GASK1A: variants seen among roughly 807,000 people sequenced by gnomAD.
GASK1A encodes the protein Golgi-associated kinase 1A.
GASK1A carries 40 observed loss-of-function variants against 41.2 expected under a neutral mutation model. That is an observed-to-expected ratio of 0.97 (90% CI 0.75 to 1.27). The LOEUF (loss-of-function observed/expected upper bound fraction) is 1.27. Among genes scored for constraint, GASK1A ranks in the 50% most tolerant of loss-of-function variants. The probability of loss-of-function intolerance (pLI) is 0.00; values close to 1 mark genes in which losing one functional copy is unlikely to be tolerated. For missense variants in GASK1A, 678 were observed against 745.1 expected (o/e 0.91, Z 1.05); for synonymous variants, 316 against 307.1 (o/e 1.03, Z -0.30).
At chr3:43,053,347 G>A (rs566927485) in intron 2 of GASK1A, among the ~76,000 whole-genome samples, 174 bp from the exon 3 acceptor site, 1 of 152,240 alleles carries the variant, frequency 6.6e-6, no homozygotes, top group African/African-American at 2.4e-5. Context: ...GATCTGGCCA[G>A]AGGAGGAAAG....
Position 43,056,646 on chromosome 3 carries a change from CTG to C in GASK1A, c.*262_*263del, listed in dbSNP as rs576398205. On this transcript the variant is annotated 3_prime_UTR_variant, in exon 5 of 5. Coordinates refer to ENST00000430121, the MANE Select transcript of GASK1A (RefSeq NM_001129908.3). ...AATGTTCTGTGAGCTGCTCAAGAAA[CTG>C]TAAAAATGTGTGATGCACGTGCATA... is the stretch of plus-strand genomic sequence containing the variant. The C allele has an allele frequency of 7.7e-4, 293 of 378,968 alleles. 1 individual carries two copies. Among genetic ancestry groups the C allele is most frequent in the African/African-American group, 5.2e-3 (262 of 50,238 alleles). The allele number at this position is 378,968 out of a possible 1,614,324, so 23.5% of individuals were successfully genotyped here. A position where few individuals can be genotyped will look rare whatever the true frequency, so the allele number is the denominator to read the frequency against.
In GASK1A at chr3:43,005,268, G is replaced by A. The variant is rs552827575; in HGVS notation, c.3+25623G>A. Among the ~76,000 whole-genome samples, 46 of 152,298 alleles carry A rather than the reference G, an allele frequency of 3.0e-4. No individual in the cohort carries two copies. In the South Asian group the frequency reaches 7.3e-3, roughly 24 times the overall value. Reference sequence around the variant, plus strand: ...GGGATTAGGACATGGATATCTTAACGGCTGAGCAGTATCCAGTAGTACCCT... The same window carrying A: ...GGGATTAGGACATGGATATCTTAACAGCTGAGCAGTATCCAGTAGTACCCT... On this transcript the variant is annotated intron_variant, in intron 1 of 4. Coordinates refer to ENST00000430121, the MANE Select transcript of GASK1A (RefSeq NM_001129908.3).
Position 43,003,864 on chromosome 3 carries a change from G to A in GASK1A, c.3+24219G>A, listed in dbSNP as rs562206366. 3.3e-5 allele frequency among the ~76,000 whole-genome samples: 5 copies of A among 152,268 alleles called. No homozygotes were observed. The East Asian group carries it at 9.6e-4, about 29-fold the overall frequency. On this transcript the variant is annotated intron_variant, in intron 1 of 4. Transcript: ENST00000430121. The stretch of plus-strand genomic sequence containing the variant: ...GTGCTCAGATTTTTTACCAGTAAAG[G>A]TGTATGACCAAAAAGTTTTGGGACT...
intron 1 of GASK1A, among the ~76,000 whole-genome samples, chr3:42,999,655 T>A (rs2089398225): frequency 6.6e-6 from 1 of 152,264 alleles, no homozygotes; most frequent in Non-Finnish European, 1.5e-5. Context: ...GTATAGGGGT[T>A]GTGTTCATTT....
At chr3:43,037,730 G>A (rs2089611542) in intron 2 of GASK1A, among the ~76,000 whole-genome samples, 1 of 152,170 alleles carries the variant, frequency 6.6e-6, no homozygotes, top group African/African-American at 2.4e-5. Context: ...CTTTAAACTG[G>A]TTATGACAAA....
At chr3:42,988,972 T>C (rs1321742260) in intron 1 of GASK1A, among the ~76,000 whole-genome samples, 1 of 152,228 alleles carries the variant, frequency 6.6e-6, no homozygotes, top group African/African-American at 2.4e-5. Flanking sequence ...TCTCAAGATA[T>C]TCTGGCAAGG....
intron 2 of GASK1A, among the ~76,000 whole-genome samples, chr3:43,050,351 C>G (rs1050313155): frequency 6.6e-6 from 1 of 151,946 alleles, no homozygotes; most frequent in African/African-American, 2.4e-5. Context: ...GAATGTTATT[C>G]CTCTGCCTTT....
At chr3:43,017,109 G>A (rs1159713646) in intron 1 of GASK1A, among the ~76,000 whole-genome samples, 1 of 151,954 alleles carries the variant, frequency 6.6e-6, no homozygotes, top group Non-Finnish European at 1.5e-5. Context: ...GTCTCAGGAA[G>A]GGGCAGTGTG....
chr3:43,001,203 A>T (rs147827582), intron 1 of GASK1A, among the ~76,000 whole-genome samples: 15 of 152,284 alleles, frequency 9.9e-5, no homozygotes, highest in African/African-American at 2.2e-4. Flanking sequence ...TTGTGGGCCT[A>T]GTCCAGAAAG....
intron 3 of GASK1A, among the ~76,000 whole-genome samples, chr3:43,054,670 G>A (rs1020422902): frequency 3.3e-5 from 5 of 152,224 alleles, no homozygotes; most frequent in East Asian, 3.9e-4. Context: ...ATTTGGGAAA[G>A]GAGTGCATGC....
chr3:43,032,616 T>C lies in GASK1A; in HGVS notation c.353T>C (p.Val118Ala). 1.3e-6 allele frequency: 2 copies of C among 1,550,918 alleles called. No homozygotes were observed. The highest frequency in any genetic ancestry group is 1.7e-6 in the Non-Finnish European group (2 of 1,146,782). ...GGGGACCTCAGGCATCCAGGGAGGG[T>C]GAGGAGGGACATTACTTTGTCAGGA... ...PGGDLRHPGRVRRDITLSGHP... is the reference protein window; with the variant it reads ...PGGDLRHPGRARRDITLSGHP... Residue 118 changes from valine to alanine, a missense_variant, in exon 2 of 5, where the codon GTG (valine) becomes GCG (alanine). Physicochemically the swap from Val to Ala is moderately conservative, Grantham distance 64. Transcript: ENST00000430121.
chr3:43,048,070 T>C (rs2089672558), intron 2 of GASK1A, among the ~76,000 whole-genome samples: 2 of 151,990 alleles, frequency 1.3e-5, no homozygotes, highest in South Asian at 4.1e-4. Context: ...AAGGAGGAAA[T>C]GGAATAGTGT....
chr3:42,990,224 C>T (rs1271363056), intron 1 of GASK1A, among the ~76,000 whole-genome samples: 1 of 151,730 alleles, frequency 6.6e-6, no homozygotes, highest in Non-Finnish European at 1.5e-5. Context: ...AAGGTGTGTG[C>T]CTATAGTCCC....
rs566903689 is a variant in GASK1A, at chr3:43,013,967, C to T, written c.4-18300C>T. On this transcript the variant is annotated intron_variant, in intron 1 of 4. Transcript: ENST00000430121. Reference sequence around the variant, plus strand: ...AAGTCACAGGAAGGGTAATGTGAAGCCACAGGAAGGGGCTGTGTGAAGCCA... The same window carrying T: ...AAGTCACAGGAAGGGTAATGTGAAGTCACAGGAAGGGGCTGTGTGAAGCCA... Among the ~76,000 whole-genome samples, 16 of 144,326 alleles carry T rather than the reference C, an allele frequency of 1.1e-4. No homozygotes were observed. The South Asian group carries it at 3.6e-3, about 32-fold the overall frequency. 94.7% of individuals were successfully genotyped at this position (144,326 alleles called of 152,430 possible).
At position 42,979,445 on chromosome 3, in the gene GASK1A, T is replaced by A. The variant is rs2089268146; in HGVS notation, c.-198T>A. The A allele has an allele frequency of 9.0e-6, 4 of 446,252 alleles. No individual in the cohort carries two copies. The highest frequency in any genetic ancestry group is 1.5e-5 in the Non-Finnish European group (4 of 271,028). The allele number at this position is 446,252 out of a possible 1,614,324, so 27.6% of individuals were successfully genotyped here. A position where few individuals can be genotyped will look rare whatever the true frequency, so the allele number is the denominator to read the frequency against. On this transcript the variant is annotated 5_prime_UTR_variant, in exon 1 of 5. Coordinates refer to ENST00000430121, the MANE Select transcript of GASK1A (RefSeq NM_001129908.3). ...CGCGGAGTATCCCGGTGTGCAGCGA[T>A]CTCCCGAGAGTTGGCGCAGGGCCAC...
At chr3:43,045,244 C>T (rs1014386815) in intron 2 of GASK1A, among the ~76,000 whole-genome samples, 1 of 152,122 alleles carries the variant, frequency 6.6e-6, no homozygotes, top group African/African-American at 2.4e-5. Flanking sequence ...GGATTCTATC[C>T]AAGCCATGAG....
intron 2 of GASK1A, among the ~76,000 whole-genome samples, chr3:43,045,195 A>G (rs1273515399): frequency 6.6e-6 from 1 of 152,184 alleles, no homozygotes; most frequent in Non-Finnish European, 1.5e-5. Flanking sequence ...AAATCTGTGC[A>G]CATTCCAGAG....
intron 2 of GASK1A, among the ~76,000 whole-genome samples, chr3:43,039,277 A>G (rs1360190539): frequency 4.2e-5 from 6 of 142,496 alleles, no homozygotes; most frequent in Non-Finnish European, 7.5e-5. Flanking sequence ...ATCTTGGCTC[A>G]TTGCAACCTC....
intron 2 of GASK1A, among the ~76,000 whole-genome samples, chr3:43,039,229 G>A (rs1210239875): frequency 7.2e-6 from 1 of 138,376 alleles, no homozygotes; most frequent in Non-Finnish European, 1.5e-5. Context: ...TTGAGATGGA[G>A]TCTGACTCTG....
Sources: gnomAD v4.1 joint callset for allele counts (sites outside exome capture counted in the v4.1 genomes callset) on GRCh38, gnomAD v4.1.1 for gene constraint, MANE v1.5 for transcripts, NCBI Gene and HGNC (gene_info 2026-07-23, HGNC 2026-07-21) for gene names.